The following SIRPG variants were observed in gnomAD, a reference collection of about 807,000 sequenced individuals.
SIRPG encodes the protein signal-regulatory protein gamma.
Under a neutral mutation model 35.7 loss-of-function variants are expected in SIRPG, and 38 were observed. The ratio of observed to expected loss-of-function variants is 1.06; its 90% CI spans 0.82 to 1.40. SIRPG has a LOEUF of 1.40. Ranked by LOEUF, SIRPG falls within the 40% of genes most tolerant of loss-of-function variation. SIRPG has a pLI of 0.00. For missense variants in SIRPG, 519 were observed against 483.0 expected (o/e 1.07, Z -0.70); for synonymous variants, 215 against 190.4 (o/e 1.13, Z -1.06).
At chr20:1,665,049 T>TG in the SIRPG span, among the ~76,000 whole-genome samples, 4 of 152,150 alleles carry the variant, frequency 2.6e-5, no homozygotes, top group African/African-American at 9.7e-5. Context: ...TAAGGCACCG[T>TG]GGACACCTTT....
Position 1,636,146 on chromosome 20 carries a change from A to G in SIRPG, c.748+42T>C, listed in dbSNP as rs73570883. ...GCCTGGGGAGAGGGGAGTGGGCTTGACAGCCAGGTGTGGGCTTGGGCTGGG... is the reference window on the plus strand; with the variant it reads ...GCCTGGGGAGAGGGGAGTGGGCTTGGCAGCCAGGTGTGGGCTTGGGCTGGG... On this transcript the variant is annotated intron_variant, in intron 3 of 5. Coordinates refer to ENST00000303415, the MANE Select transcript of SIRPG (RefSeq NM_018556.4). 1,148 of 1,610,984 alleles carry G rather than the reference A, an allele frequency of 7.1e-4. 4 individuals carry two copies. The African/African-American group carries it at 0.013, about 19-fold the overall frequency.
chr20:1,653,179 C>T (rs766434241), intron 1 of SIRPG, among the ~76,000 whole-genome samples: 9 of 152,276 alleles, frequency 5.9e-5, no homozygotes, highest in African/African-American at 7.2e-5. Context: ...GAATCAAGAC[C>T]GGAAGTGTTT....
chr20:1,649,504 G>C, intron 1 of SIRPG, 96 bp from the exon 2 acceptor site: 2 of 1,124,326 alleles, frequency 1.8e-6, no homozygotes, highest in South Asian at 1.5e-5. Flanking sequence ...GTGCACATCA[G>C]GAATCAGGAG....
At chr20:1,677,568 C>G in the SIRPG span, among the ~76,000 whole-genome samples, 8 of 152,180 alleles carry the variant, frequency 5.3e-5, no homozygotes, top group East Asian at 1.5e-3. Context: ...GTTTTAAGCC[C>G]CTGGGAATTT....
chr20:1,639,797 A>T (rs2091837256), intron 2 of SIRPG, among the ~76,000 whole-genome samples: 1 of 152,176 alleles, frequency 6.6e-6, no homozygotes, highest in Non-Finnish European at 1.5e-5. Flanking sequence ...TAATTTTTGT[A>T]TAAGGTGTAA....
chr20:1,648,669 A>G (rs1600219852), intron 2 of SIRPG, among the ~76,000 whole-genome samples: 1 of 152,300 alleles, frequency 6.6e-6, no homozygotes, highest in Admixed American at 6.5e-5. Context: ...AATAAAAAAA[A>G]GAATATACTT....
chr20:1,664,875 G>T, the SIRPG span, among the ~76,000 whole-genome samples: 1 of 152,012 alleles, frequency 6.6e-6, no homozygotes, highest in African/African-American at 2.4e-5. Context: ...ATCAGAGTGG[G>T]AACAGCTTTC....
chr20:1,638,136 A>G (rs780738861), intron 2 of SIRPG, among the ~76,000 whole-genome samples: 2 of 152,182 alleles, frequency 1.3e-5, no homozygotes, highest in African/African-American at 4.8e-5. Context: ...TGGGAGCCTG[A>G]TGCTGGCTGC....
chr20:1,673,951 T>C, the SIRPG span, among the ~76,000 whole-genome samples: 1 of 152,182 alleles, frequency 6.6e-6, no homozygotes, highest in Non-Finnish European at 1.5e-5. Context: ...ACCAGGCTTC[T>C]CCTCCTTGTC....
At chr20:1,665,272 C>T in the SIRPG span, 2 of 165,002 alleles carry the variant, frequency 1.2e-5, no homozygotes, top group South Asian at 3.1e-4. Context: ...CTTCTATCCC[C>T]ACACTTACAG....
intron 2 of SIRPG, 103 bp from the exon 3 acceptor site, chr20:1,636,608 C>G: frequency 8.1e-7 from 1 of 1,238,372 alleles, no homozygotes; most frequent in Non-Finnish European, 1.1e-6. Flanking sequence ...TAATTTTAAT[C>G]CTTCTAATAA....
the SIRPG span, chr20:1,666,639 C>T: frequency 6.6e-6 from 1 of 152,136 alleles, no homozygotes; most frequent in Non-Finnish European, 1.5e-5. Flanking sequence ...GACCCCAGCT[C>T]TTTAAGAAAG....
At chr20:1,677,812 T>C in the SIRPG span, among the ~76,000 whole-genome samples, 1 of 151,980 alleles carries the variant, frequency 6.6e-6, no homozygotes, top group Non-Finnish European at 1.5e-5. Context: ...AATACAAAAT[T>C]GAAGATAGGT....
upstream of SIRPG, among the ~76,000 whole-genome samples, chr20:1,661,113 G>C (rs2091994648): frequency 6.6e-6 from 1 of 152,122 alleles, no homozygotes; most frequent in African/African-American, 2.4e-5. Context: ...ATAGTAGTTA[G>C]ATATTATCGT....
chr20:1,674,869 G>A, the SIRPG span, among the ~76,000 whole-genome samples: 1 of 152,188 alleles, frequency 6.6e-6, no homozygotes, highest in Non-Finnish European at 1.5e-5. Flanking sequence ...CCATTTTACA[G>A]ATGAGGAAAC....
chr20:1,645,473 C>T (rs2091891339), intron 2 of SIRPG, among the ~76,000 whole-genome samples: 1 of 152,188 alleles, frequency 6.6e-6, no homozygotes. Flanking sequence ...CCACGAGACT[C>T]CACCCCAAAC....
At chr20:1,671,830 T>G in the SIRPG span, among the ~76,000 whole-genome samples, 1 of 152,214 alleles carries the variant, frequency 6.6e-6, no homozygotes, top group Non-Finnish European at 1.5e-5. Context: ...CATGTTGTTG[T>G]TTGTGGTTTA....
chr20:1,658,320 G>A (rs2091986363), upstream of SIRPG, among the ~76,000 whole-genome samples: 1 of 152,206 alleles, frequency 6.6e-6, no homozygotes, highest in African/African-American at 2.4e-5. Context: ...GCACCCAGCA[G>A]AAGGAATTAT....
the SIRPG span, among the ~76,000 whole-genome samples, chr20:1,663,015 A>C: frequency 7.2e-6 from 1 of 138,700 alleles, no homozygotes; most frequent in African/African-American, 2.7e-5. Flanking sequence ...TTGACTTTTC[A>C]AAAAAAAAAA....
Sources: allele counts gnomAD v4.1 joint callset (sites outside exome capture counted in the v4.1 genomes callset), GRCh38; gene constraint gnomAD v4.1.1; transcripts MANE v1.5; gene names NCBI Gene and HGNC (gene_info 2026-07-23, HGNC 2026-07-21).